Variants in PARP11 observed in about 807,000 individuals in gnomAD.
PARP11 encodes protein mono-ADP-ribosyltransferase PARP11.
PARP11 carries 31 observed loss-of-function variants against 42.9 expected under a neutral mutation model. The ratio of observed to expected loss-of-function variants is 0.72; its 90% CI spans 0.54 to 0.98. The LOEUF (loss-of-function observed/expected upper bound fraction) is 0.98. Among genes scored for constraint, PARP11 ranks in the 50% least tolerant of loss-of-function variants. The pLI, the probability that PARP11 is intolerant of heterozygous loss-of-function variation, is 0.00. For missense variants in PARP11, 365 were observed against 413.1 expected, an observed-to-expected ratio of 0.88 and a Z score of 1.01; for synonymous variants, 137 against 127.3, an observed-to-expected ratio of 1.08 and a Z score of -0.51.
At chr12:3,838,521 A>G (rs1010855165) in intron 1 of PARP11, among the ~76,000 whole-genome samples, 3 of 152,180 alleles carry the variant, frequency 2.0e-5, no homozygotes, top group Non-Finnish European at 2.9e-5. Flanking sequence ...AAAGAAAACA[A>G]CAATCTAACA....
At chr12:3,859,330 C>T (rs558288238) in intron 1 of PARP11, among the ~76,000 whole-genome samples, 8 of 151,796 alleles carry the variant, frequency 5.3e-5, no homozygotes, top group South Asian at 2.1e-4. Context: ...TTTGCGAGGC[C>T]GAGGCGAGTG....
intron 4 of PARP11, among the ~76,000 whole-genome samples, chr12:3,824,081 C>CTA (rs1177396982): frequency 1.3e-5 from 2 of 152,120 alleles, no homozygotes; most frequent in African/African-American, 4.8e-5. Flanking sequence ...TTGAATGTAC[C>CTA]TACTGACATT....
intron 1 of PARP11, among the ~76,000 whole-genome samples, chr12:3,852,007 C>T (rs1226282766): frequency 6.6e-6 from 1 of 152,190 alleles, no homozygotes; most frequent in Non-Finnish European, 1.5e-5. Flanking sequence ...TGGAGTGGAC[C>T]TCCAGCAAAC....
intron 1 of PARP11, among the ~76,000 whole-genome samples, chr12:3,844,040 G>C (rs1947947795): frequency 6.6e-6 from 1 of 152,184 alleles, no homozygotes. Flanking sequence ...TGGGTTCTCT[G>C]ATAACCTATG....
chr12:3,829,814 C>T, intron 2 of PARP11, 76 bp downstream of exon 2: 1 of 1,394,344 alleles, frequency 7.2e-7, no homozygotes, highest in Non-Finnish European at 9.9e-7. Flanking sequence ...TATATTTATA[C>T]TCATTTTACA....
Position 3,828,942 on chromosome 12 carries a change from G to T in PARP11, c.236C>A (p.Thr79Asn), listed in dbSNP as rs1246157737. The T allele has an allele frequency of 2.9e-5, 46 of 1,614,022 alleles. No homozygotes were observed. Among genetic ancestry groups the T allele is most frequent in the Non-Finnish European group, 3.7e-5 (44 of 1,179,896 alleles). ...GTCTATCTTGTAGCTGAATTTGGAA[G>T]TAGTAAAAGAAATGGAGCCACAAGG... ...TNPCGSISFT[T>N]SKFSYKIDFA... The change falls in exon 3 of 8, where the codon ACT (threonine) becomes AAT (asparagine). Residue 79 changes from threonine (T) to asparagine (N), a missense_variant. Thr to Asn is a moderately conservative substitution (Grantham distance 65). Coordinates refer to ENST00000228820, the MANE Select transcript of PARP11 (RefSeq NM_020367.6).
chr12:3,872,293 T>C lies in PARP11; in HGVS notation c.18+919A>G, dbSNP rs76968637. On this transcript the variant is annotated intron_variant, in intron 1 of 7. Coordinates refer to ENST00000228820, the MANE Select transcript of PARP11 (RefSeq NM_020367.6). The stretch of plus-strand genomic sequence containing the variant: ...GGTCCTACGCATAAAAATAGAGATC[T>C]CCCTGGTCTCTGAAGTGCCTGGTGG... 2.1e-4 allele frequency among the ~76,000 whole-genome samples: 32 copies of C among 152,288 alleles called. No homozygotes were observed. The East Asian group carries it at 5.8e-3, about 28-fold the overall frequency.
chr12:3,839,557 T>G, intron 1 of PARP11: 20 of 1,402,852 alleles, frequency 1.4e-5, no homozygotes, highest in Non-Finnish European at 1.9e-5. Flanking sequence ...TATAGGAGGA[T>G]CATTTGAAGG....
At position 3,839,967 on chromosome 12, in the gene PARP11, A is replaced by T. The variant is rs1947852882; in HGVS notation, c.19-9949T>A. On this transcript the variant is annotated intron_variant, in intron 1 of 7. Transcript: ENST00000228820. ...CTGTTGCTGCTGCTGATGTGAATGG[A>T]TTTAAACCTTTGTCAGGCAACGAGC... 5 of 1,399,472 alleles carry T rather than the reference A, an allele frequency of 3.6e-6. No homozygotes were observed. The East Asian group carries it at 9.1e-5, about 26-fold the overall frequency. The allele number at this position is 1,399,472 out of a possible 1,614,324, so 86.7% of individuals were successfully genotyped here.
At chr12:3,853,814 TA>T (rs1948143361) in intron 1 of PARP11, among the ~76,000 whole-genome samples, 1 of 152,186 alleles carries the variant, frequency 6.6e-6, no homozygotes, top group African/African-American at 2.4e-5. Context: ...CTCTCCACCC[TA>T]AATCAACAGA....
At chr12:3,842,092 A>C (rs1947901189) in intron 1 of PARP11, 1 of 1,609,770 alleles carries the variant, frequency 6.2e-7, no homozygotes, top group Non-Finnish European at 8.5e-7. Flanking sequence ...AGAGAGAGAG[A>C]AATTGTGCCT....
At chr12:3,814,592 T>C (rs894048878) in intron 6 of PARP11, among the ~76,000 whole-genome samples, 3 of 152,228 alleles carry the variant, frequency 2.0e-5, no homozygotes, top group African/African-American at 7.2e-5. Context: ...CATATGCTTT[T>C]TATCCTCAGA....
At chr12:3,864,704 T>C (rs1787298351) in intron 1 of PARP11, among the ~76,000 whole-genome samples, 1 of 152,212 alleles carries the variant, frequency 6.6e-6, no homozygotes, top group Admixed American at 6.5e-5. Flanking sequence ...AAGTTGTTCA[T>C]AACATTCCTT....
rs1565543048 is a variant in PARP11, at chr12:3,842,210, G to A, written c.19-12192C>T. On this transcript the variant is annotated intron_variant, in intron 1 of 7. Transcript: ENST00000228820. ...TGGTCAGCCCTGGGGCCAACTCTGTGGATAGCAGAGTGCAAAGACCAAAAG... is the reference window on the plus strand; with the variant it reads ...TGGTCAGCCCTGGGGCCAACTCTGTAGATAGCAGAGTGCAAAGACCAAAAG... 5 of 1,600,794 alleles carry A rather than the reference G, an allele frequency of 3.1e-6. No homozygotes were observed. In the Admixed American group the frequency reaches 8.3e-5, roughly 27 times the overall value.
At position 3,809,191 on chromosome 12, in the gene PARP11, G is replaced by A. The variant is rs1351782581; in HGVS notation, c.*2932C>T. The A allele has an allele frequency of 6.6e-6, 1 of 152,098 alleles. No individual in the cohort carries two copies. The highest frequency in any genetic ancestry group is 1.5e-5 in the Non-Finnish European group (1 of 68,024). 9.4% of individuals were successfully genotyped at this position (152,098 alleles called of 1,614,324 possible). On this transcript the variant is annotated 3_prime_UTR_variant, in exon 8 of 8. Coordinates refer to ENST00000228820, the MANE Select transcript of PARP11 (RefSeq NM_020367.6). ...TGATAACAGGAAAAGATGGCAAATGGTTGTGTCCAGTATTATTATATACTG... is the reference window on the plus strand; with the variant it reads ...TGATAACAGGAAAAGATGGCAAATGATTGTGTCCAGTATTATTATATACTG...
At chr12:3,833,062 A>C (rs1179249189) in intron 1 of PARP11, among the ~76,000 whole-genome samples, 1 of 152,234 alleles carries the variant, frequency 6.6e-6, no homozygotes, top group Admixed American at 6.5e-5. Context: ...TATATAAGGA[A>C]AATAAGGCTG....
At chr12:3,834,404 G>A (rs1171803769) in intron 1 of PARP11, among the ~76,000 whole-genome samples, 2 of 152,080 alleles carry the variant, frequency 1.3e-5, no homozygotes, top group Non-Finnish European at 2.9e-5. Flanking sequence ...AGGCCAAGAT[G>A]GGCAGATCAC....
intron 6 of PARP11, 66 bp downstream of exon 6, chr12:3,821,807 A>G (rs549395663): frequency 7.4e-6 from 11 of 1,486,256 alleles, no homozygotes; most frequent in Non-Finnish European, 9.2e-6. Flanking sequence ...ATACAATTCA[A>G]TATTTATGTT....
At chr12:3,844,754 G>A (rs912516293) in intron 1 of PARP11, among the ~76,000 whole-genome samples, 1 of 152,150 alleles carries the variant, frequency 6.6e-6, no homozygotes, top group Non-Finnish European at 1.5e-5. Context: ...TTAGCAGATG[G>A]TACTTTTCTC....
Sources: allele counts gnomAD v4.1 joint callset (sites outside exome capture counted in the v4.1 genomes callset), GRCh38; gene constraint gnomAD v4.1.1; transcripts MANE v1.5; gene names NCBI Gene and HGNC (gene_info 2026-07-23, HGNC 2026-07-21).